Variants in MAGI3 observed in about 807,000 individuals in gnomAD.
MAGI3 encodes the protein membrane-associated guanylate kinase, WW and PDZ domain-containing protein 3.
In MAGI3, 43 loss-of-function variants were observed where a neutral mutation model predicts 121.8. The ratio of observed to expected loss-of-function variants is 0.35; its 90% CI spans 0.28 to 0.46. The LOEUF (loss-of-function observed/expected upper bound fraction) is 0.46. Among genes scored for constraint, MAGI3 ranks in the 20% least tolerant of loss-of-function variants. The probability of loss-of-function intolerance (pLI) is 1.00; values close to 1 mark genes in which losing one functional copy is unlikely to be tolerated. For missense variants in MAGI3, 1,547 were observed against 1,797.3 expected (o/e 0.86, Z 2.52); for synonymous variants, 553 against 639.3 (o/e 0.86, Z 2.04).
intron 1 of MAGI3, among the ~76,000 whole-genome samples, chr1:113,410,591 T>TTTA (rs962492269): frequency 3.5e-5 from 5 of 144,432 alleles, no homozygotes; most frequent in South Asian, 2.2e-4. Flanking sequence ...TCTTTGGGGC[T>TTTA]TTATTATTAT....
chr1:113,399,705 A>G (rs1162010577), intron 1 of MAGI3, among the ~76,000 whole-genome samples: 1 of 152,164 alleles, frequency 6.6e-6, no homozygotes, highest in Non-Finnish European at 1.5e-5. Flanking sequence ...TTCTTTAAAA[A>G]AATTAAATAA....
At chr1:113,446,470 G>A (rs1400886248) in intron 1 of MAGI3, among the ~76,000 whole-genome samples, 1 of 152,188 alleles carries the variant, frequency 6.6e-6, no homozygotes, top group Admixed American at 6.5e-5. Context: ...TGCAGGAAAT[G>A]ATGGACAAAA....
At chr1:113,549,494 T>TTTG (rs1659676186) in intron 1 of MAGI3, 21 bp from the exon 2 acceptor site, 4 of 1,363,436 alleles carry the variant, frequency 2.9e-6, no homozygotes, top group Non-Finnish European at 4.1e-6. Flanking sequence ...TTTCTGTTTT[T>TTTG]TTTTTTTGTC....
chr1:113,475,686 C>G (rs562421707), intron 1 of MAGI3, among the ~76,000 whole-genome samples: 2 of 152,174 alleles, frequency 1.3e-5, no homozygotes, highest in Admixed American at 6.5e-5. Context: ...GTCTAAAATT[C>G]TCTTTTTTTG....
intron 1 of MAGI3, among the ~76,000 whole-genome samples, chr1:113,517,619 A>C (rs530012115): frequency 1.6e-4 from 25 of 151,784 alleles, no homozygotes; most frequent in African/African-American, 5.1e-4. Flanking sequence ...TTTTCTTCTC[A>C]TTCTGGTAGC....
intron 5 of MAGI3, among the ~76,000 whole-genome samples, chr1:113,591,399 T>C (rs1218898544): frequency 6.6e-6 from 1 of 152,108 alleles, no homozygotes; most frequent in Admixed American, 6.6e-5. Flanking sequence ...AATATAACAA[T>C]TAAATAACGG....
intron 1 of MAGI3, among the ~76,000 whole-genome samples, chr1:113,418,190 T>C (rs142843137): frequency 2.0e-5 from 3 of 152,316 alleles, no homozygotes; most frequent in African/African-American, 4.8e-5. Context: ...TGTAAACTTA[T>C]GTGTCTAGCA....
chr1:113,637,770 T>C (rs1652138745), intron 9 of MAGI3, among the ~76,000 whole-genome samples: 1 of 152,230 alleles, frequency 6.6e-6, no homozygotes, highest in Non-Finnish European at 1.5e-5. Context: ...AATTTGAATG[T>C]TGGCCTGCCT....
chr1:113,514,742 A>G (rs1052955536), intron 1 of MAGI3, among the ~76,000 whole-genome samples: 13 of 152,114 alleles, frequency 8.5e-5, no homozygotes, highest in Admixed American at 8.5e-4. Flanking sequence ...TAACCTGCAC[A>G]TTGTGCACAT....
At chr1:113,649,731 G>A (rs1653052623) in intron 13 of MAGI3, among the ~76,000 whole-genome samples, 1 of 152,124 alleles carries the variant, frequency 6.6e-6, no homozygotes, top group African/African-American at 2.4e-5. Flanking sequence ...GTTGGCATGA[G>A]CCTGTGCATA....
At chr1:113,626,718 G>C (rs1053556888) in intron 9 of MAGI3, among the ~76,000 whole-genome samples, 1 of 152,010 alleles carries the variant, frequency 6.6e-6, no homozygotes, top group Non-Finnish European at 1.5e-5. Context: ...TTTCTTCTAG[G>C]TTTTCCAATT....
intron 1 of MAGI3, among the ~76,000 whole-genome samples, chr1:113,473,633 A>G (rs1327478525): frequency 6.6e-6 from 1 of 152,174 alleles, no homozygotes; most frequent in Non-Finnish European, 1.5e-5. Flanking sequence ...TCCATGGTGT[A>G]TATGTGCCAC....
intron 1 of MAGI3, 30 bp from the exon 2 acceptor site, chr1:113,549,485 T>C (rs1557816970): frequency 7.8e-7 from 1 of 1,274,348 alleles, no homozygotes; most frequent in Non-Finnish European, 1.1e-6. Flanking sequence ...TGCATTTATT[T>C]TCTGTTTTTT....
At chr1:113,477,739 C>A (rs1185068464) in intron 1 of MAGI3, among the ~76,000 whole-genome samples, 1 of 152,032 alleles carries the variant, frequency 6.6e-6, no homozygotes, top group African/African-American at 2.4e-5. Context: ...ATCTTTGTGG[C>A]GTTCTCTGTA....
intron 2 of MAGI3, among the ~76,000 whole-genome samples, chr1:113,580,272 A>G (rs997421489): frequency 3.3e-5 from 5 of 152,172 alleles, no homozygotes; most frequent in Non-Finnish European, 7.4e-5. Context: ...TAGTAAGTAG[A>G]ATGTTTACAT....
chr1:113,408,521 A>G (rs2101324105), intron 1 of MAGI3, among the ~76,000 whole-genome samples: 1 of 152,266 alleles, frequency 6.6e-6, no homozygotes, highest in South Asian at 2.1e-4. Context: ...AATATGAGAC[A>G]TGTTTGTCTT....
intron 2 of MAGI3, among the ~76,000 whole-genome samples, chr1:113,566,085 A>G (rs1660423974): frequency 6.6e-6 from 1 of 152,216 alleles, no homozygotes; most frequent in Non-Finnish European, 1.5e-5. Context: ...TAGAAACTCC[A>G]GAAGGAATTC....
intron 9 of MAGI3, among the ~76,000 whole-genome samples, chr1:113,630,058 G>T (rs938541452): frequency 6.6e-6 from 1 of 152,046 alleles, no homozygotes; most frequent in Non-Finnish European, 1.5e-5. Flanking sequence ...CCCAAGCCGC[G>T]AGTGGATTCA....
chr1:113,602,896 C>T (rs1397446979), intron 6 of MAGI3, among the ~76,000 whole-genome samples: 1 of 151,578 alleles, frequency 6.6e-6, no homozygotes, highest in Non-Finnish European at 1.5e-5. Context: ...CCACTGCACT[C>T]CAGTCTGCGA....
Sources: allele counts gnomAD v4.1 joint callset (sites outside exome capture counted in the v4.1 genomes callset), GRCh38; gene constraint gnomAD v4.1.1; transcripts MANE v1.5; gene names NCBI Gene and HGNC (gene_info 2026-07-23, HGNC 2026-07-21).